TBXAS1: variants seen among roughly 807,000 people sequenced by gnomAD.
TBXAS1 encodes thromboxane A synthase 1, also known as thromboxane-A synthase.
A neutral mutation model predicts 60.7 loss-of-function variants in TBXAS1; 48 were observed. The ratio of observed to expected loss-of-function variants is 0.79; its 90% confidence interval spans 0.63 to 1.01. TBXAS1 has a LOEUF of 1.01. TBXAS1 is among the 50% of genes least tolerant of loss of function. TBXAS1 has a pLI of 0.00. For missense variants in TBXAS1, 685 were observed against 686.3 expected (o/e 1.00, Z 0.02); for synonymous variants, 287 against 269.7 (o/e 1.06, Z -0.63).
At chr7:139,788,478 A>C (rs1163922901) in intron 4 of TBXAS1, among the ~76,000 whole-genome samples, 1 of 152,204 alleles carries the variant, frequency 6.6e-6, no homozygotes, top group Non-Finnish European at 1.5e-5. Context: ...GTGGCTCAAT[A>C]AATACTTGTT....
chr7:139,784,055 C>T (rs953141814), intron 3 of TBXAS1, among the ~76,000 whole-genome samples: 6 of 148,490 alleles, frequency 4.0e-5, no homozygotes, highest in African/African-American at 1.2e-4. Context: ...CTAGTCCTTC[C>T]TCCTTTCACA....
chr7:139,796,575 A>G (rs905311186), intron 4 of TBXAS1, among the ~76,000 whole-genome samples: 2 of 152,224 alleles, frequency 1.3e-5, no homozygotes, highest in Non-Finnish European at 2.9e-5. Context: ...ATGTCATTAA[A>G]CATTTGTCAA....
intron 1 of TBXAS1, among the ~76,000 whole-genome samples, chr7:139,837,807 T>A (rs1030747970): frequency 4.6e-5 from 7 of 152,020 alleles, no homozygotes; most frequent in Admixed American, 1.3e-4. Context: ...CAACAACTTA[T>A]GGAAAAATAA....
At chr7:139,851,665 A>G (rs1238255850) in intron 1 of TBXAS1, among the ~76,000 whole-genome samples, 1 of 152,252 alleles carries the variant, frequency 6.6e-6, no homozygotes, top group East Asian at 1.9e-4. Flanking sequence ...ACATTGTTTC[A>G]ATATCTAATC....
intron 4 of TBXAS1, among the ~76,000 whole-genome samples, chr7:139,922,408 T>C (rs1165488818): frequency 6.6e-6 from 1 of 152,196 alleles, no homozygotes; most frequent in Non-Finnish European, 1.5e-5. Context: ...AGCCGAGAAC[T>C]TTTTCATATG....
At chr7:139,885,012 G>T (rs1437784110) in intron 3 of TBXAS1, among the ~76,000 whole-genome samples, 2 of 152,206 alleles carry the variant, frequency 1.3e-5, no homozygotes, top group Non-Finnish European at 2.9e-5. Flanking sequence ...TGTGGCTGGA[G>T]GTTGTTCCTG....
At chr7:139,942,514 T>A (rs2117237999) in intron 5 of TBXAS1, among the ~76,000 whole-genome samples, 1 of 152,274 alleles carries the variant, frequency 6.6e-6, no homozygotes, top group East Asian at 1.9e-4. Flanking sequence ...TAACCATGGA[T>A]CCAATCCAAT....
chr7:139,843,602 C>CA (rs1461455911), intron 1 of TBXAS1, among the ~76,000 whole-genome samples: 1 of 152,186 alleles, frequency 6.6e-6, no homozygotes, highest in East Asian at 1.9e-4. Flanking sequence ...CTCGGCCTCA[C>CA]AAAGTGCTGG....
chr7:139,864,275 G>A (rs1298830942), intron 1 of TBXAS1, among the ~76,000 whole-genome samples: 1 of 147,072 alleles, frequency 6.8e-6, no homozygotes, highest in African/African-American at 2.5e-5. Context: ...TCCTATACAT[G>A]AGCAACACCA....
Position 139,855,251 on chromosome 7 carries a change from G to A in TBXAS1, c.90-16984G>A, listed in dbSNP as rs144843250. ...TCTAGGTTCAGGTATTGTGTTATAA[G>A]CAACAGAAAACAAACTAAGACAGGT... is the stretch of plus-strand genomic sequence containing the variant. On this transcript the variant is annotated intron_variant, in intron 1 of 12. Transcript: ENST00000448866. 2.1e-3 allele frequency among the ~76,000 whole-genome samples: 327 copies of A among 152,224 alleles called. 2 individuals are homozygous for A. Among genetic ancestry groups the A allele is most frequent in the African/African-American group, 7.5e-3 (312 of 41,522 alleles).
intron 1 of TBXAS1, among the ~76,000 whole-genome samples, chr7:139,865,301 G>A (rs1801270257): frequency 6.6e-6 from 1 of 152,164 alleles, no homozygotes; most frequent in African/African-American, 2.4e-5. Flanking sequence ...AATCCTTACA[G>A]TTTCTCTTGT....
intron 9 of TBXAS1, among the ~76,000 whole-genome samples, chr7:139,996,756 A>C (rs1339122499): frequency 6.6e-6 from 1 of 152,240 alleles, no homozygotes; most frequent in Non-Finnish European, 1.5e-5. Flanking sequence ...CTTCTAAAAC[A>C]ATACCAATTC....
chr7:140,017,637 G>A (rs569974023), intron 11 of TBXAS1, 34 bp from the exon 12 acceptor site: 26 of 1,610,436 alleles, frequency 1.6e-5, no homozygotes, highest in Non-Finnish European at 2.2e-5. Context: ...GGGAGCGGGT[G>A]TTCTGGGCCA....
chr7:140,000,759 T>C (rs1813615310), intron 9 of TBXAS1, among the ~76,000 whole-genome samples: 1 of 152,240 alleles, frequency 6.6e-6, no homozygotes, highest in Non-Finnish European at 1.5e-5. Context: ...AAGTCCCAGC[T>C]GAAATGAATT....
At chr7:139,955,419 C>T in intron 6 of TBXAS1, 40 bp from the exon 7 acceptor site, 1 of 1,613,516 alleles carries the variant, frequency 6.2e-7, no homozygotes, top group Non-Finnish European at 8.5e-7. Context: ...GTAGCCCCTG[C>T]CAGAGTCCTT....
chr7:139,811,295 A>G (rs754202775), intron 4 of TBXAS1, among the ~76,000 whole-genome samples: 15 of 152,230 alleles, frequency 9.9e-5, no homozygotes, highest in African/African-American at 1.4e-4. Flanking sequence ...ATGTTTCCTG[A>G]GAGTCTGAGA....
chr7:139,810,105 C>T (rs765853337), intron 4 of TBXAS1, among the ~76,000 whole-genome samples: 13 of 150,268 alleles, frequency 8.7e-5, no homozygotes, highest in African/African-American at 2.7e-4. Context: ...GGTGTGATCT[C>T]GGCTCACTGC....
chr7:139,932,064 G>A (rs1311965198), intron 4 of TBXAS1, among the ~76,000 whole-genome samples: 1 of 151,548 alleles, frequency 6.6e-6, no homozygotes, highest in Non-Finnish European at 1.5e-5. Context: ...CTACTTGGGA[G>A]GCTGAGACAG....
chr7:139,984,954 G>GAA (rs1398751912), intron 9 of TBXAS1, among the ~76,000 whole-genome samples: 5 of 151,662 alleles, frequency 3.3e-5, no homozygotes, highest in South Asian at 2.1e-4. Context: ...AGAAAAGAAA[G>GAA]AAAGAAAGAA....
Sources: allele counts gnomAD v4.1 joint callset (sites outside exome capture counted in the v4.1 genomes callset), GRCh38; gene constraint gnomAD v4.1.1; transcripts MANE v1.5; gene names NCBI Gene and HGNC (gene_info 2026-07-23, HGNC 2026-07-21).